Variants in PTPRD observed in about 807,000 individuals in gnomAD.
PTPRD encodes protein tyrosine phosphatase receptor type D.
In PTPRD, 34 loss-of-function variants were observed where a neutral mutation model predicts 214.5. The ratio of observed to expected loss-of-function variants is 0.16; its 90% CI spans 0.12 to 0.21. The LOEUF (loss-of-function observed/expected upper bound fraction) is 0.21, where lower values mean the gene tolerates loss of function less well. Among genes scored for constraint, PTPRD ranks in the 10% least tolerant of loss-of-function variants. PTPRD has a pLI of 1.00. For synonymous variants in PTPRD, 1,128 were observed against 845.7 expected, an observed-to-expected ratio of 1.33 and a Z score of -5.79; for missense variants, 2,545 against 2,398.7, an observed-to-expected ratio of 1.06 and a Z score of -1.27.
At chr9:8,650,458 G>C (rs2096784560) in intron 12 of PTPRD, among the ~76,000 whole-genome samples, 1 of 150,074 alleles carries the variant, frequency 6.7e-6, no homozygotes, top group Non-Finnish European at 1.5e-5. Flanking sequence ...CTGGGAGGCA[G>C]AGGTTGCGGT....
At chr9:9,829,348 CA>C (rs1326670089) in intron 5 of PTPRD, among the ~76,000 whole-genome samples, 1 of 151,706 alleles carries the variant, frequency 6.6e-6, no homozygotes, top group Non-Finnish European at 1.5e-5. Context: ...TCAAATAAAA[CA>C]AGTCCATATT....
At chr9:9,659,951 A>G (rs113680156) in intron 7 of PTPRD, among the ~76,000 whole-genome samples, 7 of 152,208 alleles carry the variant, frequency 4.6e-5, no homozygotes, top group African/African-American at 1.7e-4. Context: ...GCTCATGATT[A>G]CATATATTAC....
At chr9:8,918,325 G>C (rs1292258245) in intron 11 of PTPRD, among the ~76,000 whole-genome samples, 1 of 152,162 alleles carries the variant, frequency 6.6e-6, no homozygotes, top group Non-Finnish European at 1.5e-5. Flanking sequence ...AAGCAAAGTA[G>C]AAAAGGCCCA....
intron 3 of PTPRD, among the ~76,000 whole-genome samples, chr9:10,255,915 T>C (rs574366365): frequency 6.6e-6 from 1 of 152,306 alleles, no homozygotes; most frequent in East Asian, 1.9e-4. Flanking sequence ...GGTACTGCTC[T>C]AGTACCTGTC....
At chr9:10,260,330 G>A (rs750140629) in intron 3 of PTPRD, among the ~76,000 whole-genome samples, 2 of 152,240 alleles carry the variant, frequency 1.3e-5, no homozygotes, top group South Asian at 4.1e-4. Context: ...AAATTTCACA[G>A]TCTTGTCCTA....
chr9:9,433,190 C>T (rs930814259), intron 8 of PTPRD, among the ~76,000 whole-genome samples: 1 of 152,150 alleles, frequency 6.6e-6, no homozygotes, highest in Non-Finnish European at 1.5e-5. Context: ...ATTGCCAGAC[C>T]TCCTACCAAC....
At position 8,376,015 on chromosome 9, in the gene PTPRD, G is replaced by A. The variant is rs764257459; in HGVS notation, c.4582C>T (p.Pro1528Ser). 2 of 1,612,934 alleles carry A rather than the reference G, an allele frequency of 1.2e-6. No individual in the cohort carries two copies. Among genetic ancestry groups the A allele is most frequent in the Non-Finnish European group, 1.7e-6 (2 of 1,179,298 alleles). Reference sequence around the variant, plus strand: ...CGTAAGAAAGCTAGAAAAGGTGTAGGGTGTTCTGGAACACCATGATCAGGC... The same window carrying A: ...CGTAAGAAAGCTAGAAAAGGTGTAGAGTGTTCTGGAACACCATGATCAGGC... ...AWPDHGVPEHPTPFLAFLRRV... is the reference protein window; with the variant it reads ...AWPDHGVPEHSTPFLAFLRRV... Residue 1528 changes from proline to serine, a missense_variant, in exon 39 of 46, where the codon CCT (proline) becomes TCT (serine). By Grantham distance (74) the Pro-to-Ser change is moderately conservative (BLOSUM62 -1). Transcript: ENST00000381196.
chr9:8,828,971 C>T (rs2154529029), intron 11 of PTPRD, among the ~76,000 whole-genome samples: 1 of 152,270 alleles, frequency 6.6e-6, no homozygotes, highest in Non-Finnish European at 1.5e-5. Context: ...AACACATATT[C>T]TTGGAAATAC....
At chr9:8,574,286 A>G (rs1286603792) in intron 14 of PTPRD, among the ~76,000 whole-genome samples, 2 of 152,024 alleles carry the variant, frequency 1.3e-5, no homozygotes, top group Non-Finnish European at 2.9e-5. Flanking sequence ...ACTCTTTGGC[A>G]CTGTCTATCA....
At chr9:9,376,108 T>C (rs2060724117) in intron 9 of PTPRD, among the ~76,000 whole-genome samples, 1 of 152,172 alleles carries the variant, frequency 6.6e-6, no homozygotes, top group Admixed American at 6.6e-5. Flanking sequence ...CATTCTACTA[T>C]ACCATGATTC....
chr9:9,491,028 T>C (rs981725265), intron 8 of PTPRD, among the ~76,000 whole-genome samples: 1 of 151,802 alleles, frequency 6.6e-6, no homozygotes, highest in African/African-American at 2.4e-5. Flanking sequence ...AAATTAATGA[T>C]CTAATTATAC....
chr9:10,250,300 C>A (rs1418708648), intron 3 of PTPRD, among the ~76,000 whole-genome samples: 1 of 152,082 alleles, frequency 6.6e-6, no homozygotes, highest in African/African-American at 2.4e-5. Context: ...TGTTCTCTGA[C>A]CCTTTACTCA....
intron 9 of PTPRD, among the ~76,000 whole-genome samples, chr9:9,205,602 A>T (rs1315068192): frequency 6.6e-6 from 1 of 152,186 alleles, no homozygotes; most frequent in East Asian, 1.9e-4. Flanking sequence ...CATTGAGCAA[A>T]GTTTTCTTAG....
At chr9:10,039,841 A>G (rs2154141013) in intron 3 of PTPRD, among the ~76,000 whole-genome samples, 1 of 152,250 alleles carries the variant, frequency 6.6e-6, no homozygotes, top group African/African-American at 2.4e-5. Context: ...GATGAAAACA[A>G]TCAATAAAAC....
intron 9 of PTPRD, among the ~76,000 whole-genome samples, chr9:9,329,837 G>A (rs578228541): frequency 3.5e-4 from 54 of 152,290 alleles, no homozygotes; most frequent in African/African-American, 1.2e-3. Context: ...TAGCTGTTAA[G>A]ATTTAAATAC....
intron 6 of PTPRD, among the ~76,000 whole-genome samples, chr9:9,741,086 C>T (rs2098395006): frequency 6.6e-6 from 1 of 152,070 alleles, no homozygotes; most frequent in Admixed American, 6.6e-5. Flanking sequence ...TGATGATATC[C>T]TTCACTAAAA....
At chr9:8,963,268 C>T (rs1421861880) in intron 11 of PTPRD, among the ~76,000 whole-genome samples, 1 of 152,074 alleles carries the variant, frequency 6.6e-6, no homozygotes, top group Admixed American at 6.6e-5. Flanking sequence ...GATATAGTTA[C>T]TTTTCAGAGG....
At chr9:9,331,864 A>T (rs1007909073) in intron 9 of PTPRD, among the ~76,000 whole-genome samples, 1 of 151,980 alleles carries the variant, frequency 6.6e-6, no homozygotes, top group Non-Finnish European at 1.5e-5. Context: ...CATGCATACT[A>T]ATTAGTTCAT....
In PTPRD at chr9:10,417,198, T is replaced by C. The variant is rs568574895; in HGVS notation, c.-599-76181A>G. 5.3e-5 allele frequency among the ~76,000 whole-genome samples: 8 copies of C among 152,044 alleles called. No homozygotes were observed. The South Asian group carries it at 1.0e-3, about 20-fold the overall frequency. On this transcript the variant is annotated intron_variant, in intron 2 of 45. Coordinates refer to ENST00000381196, the MANE Select transcript of PTPRD (RefSeq NM_002839.4). ...AGGAAGGGATGATATTGAAGGAACA[T>C]AGTTCAACCTAGTCAATCAAGTTCT...
Sources: allele counts gnomAD v4.1 joint callset (sites outside exome capture counted in the v4.1 genomes callset), GRCh38; gene constraint gnomAD v4.1.1; transcripts MANE v1.5; gene names NCBI Gene and HGNC (gene_info 2026-07-23, HGNC 2026-07-21).